SHISA6: variants seen among roughly 807,000 people sequenced by gnomAD.
SHISA6 encodes the protein protein shisa-6.
SHISA6 carries 22 observed loss-of-function variants against 47.9 expected under a neutral mutation model. The ratio of observed to expected loss-of-function variants is 0.46; its 90% CI spans 0.33 to 0.66. SHISA6 has a LOEUF of 0.66. Ranked by LOEUF, SHISA6 falls within the 30% of genes least tolerant of loss-of-function variation. The probability of loss-of-function intolerance (pLI) is 0.02; values close to 1 mark genes in which losing one functional copy is unlikely to be tolerated. For synonymous variants in SHISA6, 388 were observed against 337.8 expected (o/e 1.15, Z -1.63); for missense variants, 680 against 764.6 (o/e 0.89, Z 1.30).
At chr17:11,458,668 A>G (rs1178471829) in intron 3 of SHISA6, among the ~76,000 whole-genome samples, 1 of 152,028 alleles carries the variant, frequency 6.6e-6, no homozygotes, top group Admixed American at 6.5e-5. Flanking sequence ...CCACTTTTCT[A>G]TCTTCTGGGA....
chr17:11,418,971 T>C (rs113999372), intron 3 of SHISA6, among the ~76,000 whole-genome samples: 1,691 of 152,266 alleles, frequency 0.011, 49 homozygotes, highest in Admixed American at 0.061. Flanking sequence ...TAGTCTGTTC[T>C]TTCCACTGGA....
chr17:11,291,126 G>C (rs1909524122), intron 2 of SHISA6, among the ~76,000 whole-genome samples: 1 of 152,008 alleles, frequency 6.6e-6, no homozygotes, highest in Admixed American at 6.6e-5. Flanking sequence ...GCGATTCGAG[G>C]GGTAGTGAGC....
intron 3 of SHISA6, among the ~76,000 whole-genome samples, chr17:11,502,619 C>T (rs1189698699): frequency 6.6e-6 from 1 of 151,686 alleles, no homozygotes; most frequent in Non-Finnish European, 1.5e-5. Context: ...CCCAGCTACT[C>T]GGGAGGCTGG....
intron 5 of SHISA6, among the ~76,000 whole-genome samples, chr17:11,556,886 C>G (rs1307610557): frequency 6.6e-6 from 1 of 152,138 alleles, no homozygotes; most frequent in East Asian, 1.9e-4. Context: ...TGTGTGTAAC[C>G]TGCAAGTTCA....
At chr17:11,521,876 G>T (rs976256102) in intron 3 of SHISA6, among the ~76,000 whole-genome samples, 1 of 152,080 alleles carries the variant, frequency 6.6e-6, no homozygotes, top group Non-Finnish European at 1.5e-5. Context: ...GAAGAAACAG[G>T]AGTAGTGAAT....
chr17:11,408,883 T>A (rs1395669374), intron 3 of SHISA6, among the ~76,000 whole-genome samples: 3 of 152,194 alleles, frequency 2.0e-5, no homozygotes, highest in African/African-American at 7.2e-5. Context: ...CAACTGACTT[T>A]AATCACCAGG....
At chr17:11,363,107 A>G (rs1242401638) in intron 2 of SHISA6, among the ~76,000 whole-genome samples, 1 of 152,208 alleles carries the variant, frequency 6.6e-6, no homozygotes, top group Non-Finnish European at 1.5e-5. Context: ...TATTAGAAGC[A>G]GAGCTAATGC....
chr17:11,518,135 T>A (rs2071600297), intron 3 of SHISA6, among the ~76,000 whole-genome samples: 1 of 152,186 alleles, frequency 6.6e-6, no homozygotes, highest in Non-Finnish European at 1.5e-5. Flanking sequence ...AGCACAGGTC[T>A]AGATTTCCTG....
chr17:11,364,037 G>T (rs973012490), intron 2 of SHISA6, among the ~76,000 whole-genome samples: 8 of 152,118 alleles, frequency 5.3e-5, no homozygotes, highest in African/African-American at 1.9e-4. Flanking sequence ...GCTTGCTCTT[G>T]AATTCTTTCC....
intron 3 of SHISA6, among the ~76,000 whole-genome samples, chr17:11,409,087 A>G (rs937859247): frequency 2.0e-5 from 3 of 152,234 alleles, no homozygotes; most frequent in Admixed American, 6.5e-5. Flanking sequence ...TTATCCTCTC[A>G]GAAATAATTA....
chr17:11,459,803 T>TG (rs753051513), intron 3 of SHISA6, among the ~76,000 whole-genome samples: 2 of 152,198 alleles, frequency 1.3e-5, no homozygotes, highest in African/African-American at 2.4e-5. Context: ...GGGAACTAGT[T>TG]GGAGTTTTTG....
At chr17:11,303,952 G>C (rs1021011768) in intron 2 of SHISA6, among the ~76,000 whole-genome samples, 1 of 152,182 alleles carries the variant, frequency 6.6e-6, no homozygotes, top group Admixed American at 6.5e-5. Context: ...TGTTTCCAGC[G>C]TGCCAAAAGC....
At chr17:11,270,992 T>A (rs903758527) in intron 2 of SHISA6, among the ~76,000 whole-genome samples, 1 of 152,172 alleles carries the variant, frequency 6.6e-6, no homozygotes, top group Non-Finnish European at 1.5e-5. Context: ...TGAGGCCTGA[T>A]GAATGAATCA....
chr17:11,345,630 ATCT>A, intron 2 of SHISA6, among the ~76,000 whole-genome samples: 1 of 152,058 alleles, frequency 6.6e-6, no homozygotes, highest in African/African-American at 2.4e-5. Context: ...ATTTATTTAG[ATCT>A]TCTTTAATTT....
intron 2 of SHISA6, among the ~76,000 whole-genome samples, chr17:11,321,927 A>G (rs572174307): frequency 1.3e-5 from 2 of 152,266 alleles, no homozygotes; most frequent in South Asian, 4.2e-4. Flanking sequence ...TGTGTGGCTC[A>G]AGACAATTCT....
chr17:11,460,682 A>G (rs1033987900), intron 3 of SHISA6, among the ~76,000 whole-genome samples: 1 of 152,178 alleles, frequency 6.6e-6, no homozygotes, highest in Non-Finnish European at 1.5e-5. Context: ...TGAGCCAGTG[A>G]TGAGTTTTTA....
At chr17:11,527,481 C>T (rs1392509492) in intron 3 of SHISA6, among the ~76,000 whole-genome samples, 2 of 151,980 alleles carry the variant, frequency 1.3e-5, no homozygotes, top group African/African-American at 4.8e-5. Flanking sequence ...GCCTTTCCAG[C>T]CATATAAGGA....
chr17:11,471,210 G>GGA lies in SHISA6; in HGVS notation c.896-80686_896-80685insGA, dbSNP rs1915928569. On this transcript the variant is annotated intron_variant, in intron 3 of 5. Coordinates refer to ENST00000441885, the MANE Select transcript of SHISA6 (RefSeq NM_207386.4). Reference sequence around the variant, plus strand: ...GTCGACAGAGTGAGACTCCATCTCAGAAAAAAAAAAAAAAAAAAGGAAAGA... The same window carrying GGA: ...GTCGACAGAGTGAGACTCCATCTCAGGAAAAAAAAAAAAAAAAAAAGGAAAGA... Among the ~76,000 whole-genome samples the GGA allele has an allele frequency of 1.2e-4, 12 of 97,784 alleles. No homozygotes were observed. In the South Asian group the frequency reaches 5.0e-3, roughly 41 times the overall value. 64.2% of individuals were successfully genotyped at this position (97,784 alleles called of 152,430 possible).
chr17:11,375,468 C>G (rs931796548), intron 2 of SHISA6, among the ~76,000 whole-genome samples: 1 of 152,138 alleles, frequency 6.6e-6, no homozygotes, highest in Non-Finnish European at 1.5e-5. Flanking sequence ...TTTGTTTCCC[C>G]CTTATGGCTG....
Sources: allele counts gnomAD v4.1 joint callset (sites outside exome capture counted in the v4.1 genomes callset), GRCh38; gene constraint gnomAD v4.1.1; transcripts MANE v1.5; gene names NCBI Gene and HGNC (gene_info 2026-07-23, HGNC 2026-07-21).